The following ADAM12 variants were observed in gnomAD, a reference collection of about 807,000 sequenced individuals.
The protein encoded by ADAM12 is disintegrin and metalloproteinase domain-containing protein 12.
ADAM12 carries 70 observed loss-of-function variants against 106.4 expected under a neutral mutation model. The ratio of observed to expected loss-of-function variants is 0.66; its 90% CI spans 0.54 to 0.80. ADAM12 has a LOEUF of 0.80. ADAM12 is among the 30% of genes least tolerant of loss of function. The pLI is 0.00. For missense variants in ADAM12, 1,010 were observed against 1,171.9 expected (o/e 0.86, Z 2.02); for synonymous variants, 420 against 433.5 (o/e 0.97, Z 0.39).
At chr10:126,047,051 G>A (rs1483762695) in intron 16 of ADAM12, among the ~76,000 whole-genome samples, 1 of 152,174 alleles carries the variant, frequency 6.6e-6, no homozygotes, top group African/African-American at 2.4e-5. Flanking sequence ...TCAAGCTGTT[G>A]TAGTGGTAGG....
chr10:126,203,077 G>A (rs185687939), intron 3 of ADAM12, among the ~76,000 whole-genome samples: 14 of 152,298 alleles, frequency 9.2e-5, no homozygotes, highest in South Asian at 4.1e-4. Flanking sequence ...TGTCATCAGC[G>A]AAGGAGTAAG....
At position 126,235,992 on chromosome 10, in the gene ADAM12, G is replaced by A. The variant is rs1958408118; in HGVS notation, c.260+42923C>T. On this transcript the variant is annotated intron_variant, in intron 3 of 22. Coordinates refer to ENST00000448723, the MANE Select transcript of ADAM12 (RefSeq NM_001288973.2). ...AGAGGCGAGGGCAGCCCAGGGCCTG[G>A]CAGACAGGGAGACAGAGCTGGGCTG... Among the ~76,000 whole-genome samples, 3 of 152,044 alleles carry A rather than the reference G, an allele frequency of 2.0e-5. No homozygotes were observed. In the South Asian group the frequency reaches 6.2e-4, roughly 32 times the overall value.
chr10:126,177,766 A>G (rs977422361), intron 3 of ADAM12, among the ~76,000 whole-genome samples: 1 of 152,200 alleles, frequency 6.6e-6, no homozygotes, highest in African/African-American at 2.4e-5. Context: ...TAATACAATC[A>G]AGAGTTGCCC....
intron 14 of ADAM12, among the ~76,000 whole-genome samples, chr10:126,055,387 C>G (rs923628859): frequency 1.3e-5 from 2 of 152,180 alleles, no homozygotes; most frequent in African/African-American, 4.8e-5. Flanking sequence ...TCTCCTTGCT[C>G]TTAACAAACA....
intron 13 of ADAM12, among the ~76,000 whole-genome samples, chr10:126,065,621 C>T (rs74158101): frequency 0.023 from 3,537 of 152,158 alleles, 144 homozygotes; most frequent in African/African-American, 0.081. Context: ...CAGAGTAGCC[C>T]GTCTGAGGCT....
Position 126,150,891 on chromosome 10 carries a change from GC to G in ADAM12, c.339+4335del, listed in dbSNP as rs574008572. Among the ~76,000 whole-genome samples the G allele has an allele frequency of 5.8e-3, 880 of 152,204 alleles. 9 individuals carry two copies. Among genetic ancestry groups the G allele is most frequent in the African/African-American group, 0.02 (848 of 41,518 alleles). On this transcript the variant is annotated intron_variant, in intron 4 of 22. Transcript: ENST00000448723. ...CATCCCCATCTTGGTCTTCTTCTTT[GC>G]CCACTTTTAAAGACCCAGATTAATG... is the stretch of plus-strand genomic sequence containing the variant.
At chr10:126,294,730 T>A (rs1960294102) in intron 2 of ADAM12, among the ~76,000 whole-genome samples, 1 of 152,138 alleles carries the variant, frequency 6.6e-6, no homozygotes, top group Non-Finnish European at 1.5e-5. Context: ...TTACAACCAG[T>A]AAGAACCAAA....
intron 3 of ADAM12, among the ~76,000 whole-genome samples, chr10:126,274,413 G>C (rs1959201606): frequency 6.6e-6 from 1 of 152,172 alleles, no homozygotes; most frequent in Non-Finnish European, 1.5e-5. Flanking sequence ...AGGGGCTTGA[G>C]TATGCAGGTC....
intron 1 of ADAM12, among the ~76,000 whole-genome samples, chr10:126,364,052 T>C (rs1480060660): frequency 6.6e-6 from 1 of 152,128 alleles, no homozygotes; most frequent in African/African-American, 2.4e-5. Flanking sequence ...AATATTTTTA[T>C]CAGGTCACAA....
chr10:126,311,616 G>A (rs1414140823), intron 2 of ADAM12, among the ~76,000 whole-genome samples: 1 of 152,090 alleles, frequency 6.6e-6, no homozygotes, highest in East Asian at 1.9e-4. Flanking sequence ...CTGGGGAGGG[G>A]AGAGGAGCTG....
At chr10:126,364,263 CCAAAA>C (rs952884591) in intron 1 of ADAM12, among the ~76,000 whole-genome samples, 3 of 151,782 alleles carry the variant, frequency 2.0e-5, no homozygotes, top group Admixed American at 6.6e-5. Flanking sequence ...CCATTAAAAC[CCAAAA>C]CAAAAGAGGA....
At chr10:126,178,406 ATCTTTTT>A (rs1490885924) in intron 3 of ADAM12, among the ~76,000 whole-genome samples, 4 of 120,868 alleles carry the variant, frequency 3.3e-5, no homozygotes, top group African/African-American at 1.1e-4. Context: ...ATTGGAGGAC[ATCTTTTT>A]TTTTTTTTTT....
Position 126,098,508 on chromosome 10 carries a change from A to G in ADAM12, c.912-8T>C. The stretch of plus-strand genomic sequence containing the variant: ...CCTTGGAAATAAACCCCACTAGGAA[A>G]TAAAAGAGAGGACTTTCTTTAATCA... On this transcript the variant is annotated splice_polypyrimidine_tract_variant and splice_region_variant and intron_variant, in intron 9 of 22. Coordinates refer to ENST00000448723, the MANE Select transcript of ADAM12 (RefSeq NM_001288973.2). 1 of 1,610,952 alleles carries G rather than the reference A, an allele frequency of 6.2e-7. No homozygotes were observed. The highest frequency in any genetic ancestry group is 1.3e-5 in the African/African-American group (1 of 74,988).
intron 2 of ADAM12, among the ~76,000 whole-genome samples, chr10:126,293,727 G>T (rs566346245): frequency 6.6e-6 from 1 of 152,134 alleles, no homozygotes; most frequent in East Asian, 1.9e-4. Flanking sequence ...CACCATGTTG[G>T]CCAGGCTGGT....
intron 1 of ADAM12, among the ~76,000 whole-genome samples, chr10:126,370,533 C>T (rs539717084): frequency 3.3e-5 from 5 of 152,216 alleles, no homozygotes; most frequent in South Asian, 4.1e-4. Flanking sequence ...GATACCAGGC[C>T]CTGCAAATGG....
chr10:126,285,181 G>A lies in ADAM12; in HGVS notation c.187-6193C>T, dbSNP rs74644146. ...AGGAAAGGACCACTTCCTATGGGATGCTGGGTAGGAGAGAAGGAAAGGGTT... is the reference window on the plus strand; with the variant it reads ...AGGAAAGGACCACTTCCTATGGGATACTGGGTAGGAGAGAAGGAAAGGGTT... On this transcript the variant is annotated intron_variant, in intron 2 of 22. Coordinates refer to ENST00000448723, the MANE Select transcript of ADAM12 (RefSeq NM_001288973.2). Among the ~76,000 whole-genome samples the A allele has an allele frequency of 5.5e-3, 838 of 152,334 alleles. 5 individuals are homozygous for A. Among genetic ancestry groups the A allele is most frequent in the Non-Finnish European group, 8.2e-3 (557 of 68,034 alleles).
intron 1 of ADAM12, among the ~76,000 whole-genome samples, chr10:126,346,862 T>C (rs1855160584): frequency 6.6e-6 from 1 of 152,224 alleles, no homozygotes; most frequent in South Asian, 2.1e-4. Context: ...TTTCTTTGTT[T>C]TCCATTTGCT....
intron 3 of ADAM12, among the ~76,000 whole-genome samples, chr10:126,269,743 AG>A (rs1469320041): frequency 6.6e-6 from 1 of 152,214 alleles, no homozygotes; most frequent in Non-Finnish European, 1.5e-5. Context: ...TCAGAAGGGA[AG>A]GAGTGCAAGG....
chr10:126,065,816 A>G (rs1298798399), intron 13 of ADAM12, among the ~76,000 whole-genome samples: 1 of 152,142 alleles, frequency 6.6e-6, no homozygotes, highest in Non-Finnish European at 1.5e-5. Flanking sequence ...TTACTTGGGC[A>G]TCCCCTGGGC....
Sources: gnomAD v4.1 joint callset for allele counts (sites outside exome capture counted in the v4.1 genomes callset) on GRCh38, gnomAD v4.1.1 for gene constraint, MANE v1.5 for transcripts, NCBI Gene and HGNC (gene_info 2026-07-23, HGNC 2026-07-21) for gene names.